TMEM182: variants seen among roughly 807,000 people sequenced by gnomAD.
The protein encoded by TMEM182 is transmembrane protein 182.
TMEM182 carries 20 observed loss-of-function variants against 26.8 expected under a neutral mutation model. That is an observed-to-expected ratio of 0.75 (90% CI 0.53 to 1.09). The LOEUF is 1.09. TMEM182 is among the 50% of genes least tolerant of loss of function. The pLI is 0.00. For synonymous variants in TMEM182, 109 were observed against 102.2 expected, an observed-to-expected ratio of 1.07 and a Z score of -0.40; for missense variants, 277 against 275.5, an observed-to-expected ratio of 1.01 and a Z score of -0.04.
At chr2:102,763,868 A>T (rs1030780911) in intron 2 of TMEM182, among the ~76,000 whole-genome samples, 9 of 152,350 alleles carry the variant, frequency 5.9e-5, no homozygotes, top group Middle Eastern at 3.4e-3. Flanking sequence ...TTATTGTATA[A>T]CTTATCATTT....
chr2:102,818,111 T>G (rs972963619), downstream of TMEM182, among the ~76,000 whole-genome samples: 1 of 152,144 alleles, frequency 6.6e-6, no homozygotes, highest in African/African-American at 2.4e-5. Flanking sequence ...TGGGGTTACA[T>G]TGAAGAAAAT....
chr2:102,758,263 G>T, upstream of TMEM182: 2 of 498,080 alleles, frequency 4.0e-6, no homozygotes. Flanking sequence ...GAGAACCTAT[G>T]TCTCAGTTTG....
chr2:102,757,900 T>C (rs1680093380), upstream of TMEM182, among the ~76,000 whole-genome samples: 1 of 151,994 alleles, frequency 6.6e-6, no homozygotes, highest in Non-Finnish European at 1.5e-5. Context: ...GAGAGTGAAG[T>C]GGGAAGTGCT....
chr2:102,794,192 A>G (rs1362956007), intron 3 of TMEM182, among the ~76,000 whole-genome samples: 1 of 152,258 alleles, frequency 6.6e-6, no homozygotes, highest in Non-Finnish European at 1.5e-5. Flanking sequence ...TCTCTATTTT[A>G]CAGAAAAAGA....
In TMEM182 at chr2:102,817,397, T is replaced by C. The variant is rs1558789975; in HGVS notation, c.*2429T>C. 1.0e-6 allele frequency: 1 copy of C among 985,322 alleles called. No homozygotes were observed. The highest frequency in any genetic ancestry group is 1.2e-6 in the Non-Finnish European group (1 of 829,940). The allele number at this position is 985,322 out of a possible 1,614,324, so 61.0% of individuals were successfully genotyped here. ...AGTGAATAAAAAGGGCAGTGAGTTA[T>C]GCTCTTGGACTTGGTGAAAGCTATC... On this transcript the variant is annotated 3_prime_UTR_variant, in exon 5 of 5. Transcript: ENST00000412401.
rs1289890574 is a variant in TMEM182, at chr2:102,816,040, A to G, written c.*1072A>G. The G allele has an allele frequency of 1.0e-5, 10 of 984,910 alleles. No individual in the cohort carries two copies. The highest frequency in any genetic ancestry group is 1.2e-5 in the Non-Finnish European group (10 of 829,582). The allele number at this position is 984,910 out of a possible 1,614,324, so 61.0% of individuals were successfully genotyped here. ...TTACAATAGATATATTAACATTTAC[A>G]GATCGACTATTTCCTTTAACCTCCT... On this transcript the variant is annotated 3_prime_UTR_variant, in exon 5 of 5. Transcript: ENST00000412401.
chr2:102,817,951 C>T (rs553345703), downstream of TMEM182, among the ~76,000 whole-genome samples: 83 of 152,244 alleles, frequency 5.5e-4, 2 homozygotes, highest in South Asian at 8.3e-4. Flanking sequence ...CAGTTCAACA[C>T]GTAATTTGAT....
At chr2:102,798,033 C>A in intron 4 of TMEM182, 33 bp downstream of exon 4, 4 of 1,573,358 alleles carry the variant, frequency 2.5e-6, no homozygotes, top group Non-Finnish European at 3.4e-6. Flanking sequence ...GACTTTCAGC[C>A]ACGGTTTTTC....
chr2:102,840,863 C>T (rs1051311178), intron 3 of TMEM182, among the ~76,000 whole-genome samples: 8 of 152,242 alleles, frequency 5.3e-5, no homozygotes, highest in South Asian at 2.1e-4. Context: ...AAGTGGTTTC[C>T]CCATCACTTC....
intron 3 of TMEM182, among the ~76,000 whole-genome samples, chr2:102,830,938 A>T (rs941445348): frequency 3.9e-5 from 6 of 152,198 alleles, no homozygotes; most frequent in Non-Finnish European, 8.8e-5. Flanking sequence ...TAAATCCCAC[A>T]AATAAGTGAG....
At chr2:102,765,291 A>G (rs2540292) in intron 3 of TMEM182, among the ~76,000 whole-genome samples, 73,421 of 151,518 alleles carry the variant, frequency 0.48, 18,480 homozygotes, top group African/African-American at 0.64. Flanking sequence ...TGATGTTGCA[A>G]TCTCCAGTCT....
At chr2:102,778,913 C>T (rs2732856) in intron 3 of TMEM182, among the ~76,000 whole-genome samples, 82,861 of 151,706 alleles carry the variant, frequency 0.55, 23,239 homozygotes, top group African/African-American at 0.67. Flanking sequence ...TTGTATTTAC[C>T]CATATTTTTA....
intron 3 of TMEM182, among the ~76,000 whole-genome samples, chr2:102,766,018 C>T (rs961005832): frequency 2.0e-5 from 3 of 152,166 alleles, no homozygotes; most frequent in African/African-American, 7.2e-5. Flanking sequence ...GCTCCTTCCC[C>T]AACATTCTTA....
intron 3 of TMEM182, among the ~76,000 whole-genome samples, chr2:102,790,211 C>G (rs1375980171): frequency 6.6e-6 from 1 of 152,226 alleles, no homozygotes; most frequent in Non-Finnish European, 1.5e-5. Flanking sequence ...AATTAAGTGG[C>G]TTCTGGTTGT....
upstream of TMEM182, among the ~76,000 whole-genome samples, chr2:102,760,076 G>A (rs1680160626): frequency 6.6e-6 from 1 of 151,936 alleles, no homozygotes; most frequent in Non-Finnish European, 1.5e-5. Flanking sequence ...AGGTAAGAAC[G>A]GCTAGAATAT....
chr2:102,792,013 A>AAT (rs989229945), intron 3 of TMEM182, among the ~76,000 whole-genome samples: 36 of 146,544 alleles, frequency 2.5e-4, no homozygotes, highest in African/African-American at 8.6e-4. Flanking sequence ...TATACCTAAA[A>AAT]ATATATATAT....
At chr2:102,765,319 G>C (rs1558759279) in intron 3 of TMEM182, among the ~76,000 whole-genome samples, 2 of 152,136 alleles carry the variant, frequency 1.3e-5, no homozygotes, top group African/African-American at 2.4e-5. Context: ...GGACACTCCA[G>C]TAGAATTTTT....
chr2:102,799,023 T>C (rs1189902629), intron 4 of TMEM182, among the ~76,000 whole-genome samples: 1 of 152,232 alleles, frequency 6.6e-6, no homozygotes, highest in Non-Finnish European at 1.5e-5. Context: ...CCTTTTCATT[T>C]AATTAGGCAG....
At chr2:102,822,869 A>C (rs986273785) in intron 3 of TMEM182, among the ~76,000 whole-genome samples, 1 of 152,174 alleles carries the variant, frequency 6.6e-6, no homozygotes, top group African/African-American at 2.4e-5. Flanking sequence ...CACTCAGTAC[A>C]TTCAATTTGA....
Sources: allele counts gnomAD v4.1 joint callset (sites outside exome capture counted in the v4.1 genomes callset), GRCh38; gene constraint gnomAD v4.1.1; transcripts MANE v1.5; gene names NCBI Gene and HGNC (gene_info 2026-07-23, HGNC 2026-07-21).